The following TRIM9 variants were observed in gnomAD, a reference collection of about 807,000 sequenced individuals.
TRIM9 encodes E3 ubiquitin-protein ligase TRIM9.
TRIM9 carries 26 observed loss-of-function variants against 78.3 expected under a neutral mutation model. That is an observed-to-expected ratio of 0.33 (90% CI 0.24 to 0.46). The LOEUF (loss-of-function observed/expected upper bound fraction) is 0.46. TRIM9 is among the 20% of genes least tolerant of loss of function. TRIM9 has a pLI of 1.00. For missense variants in TRIM9, 787 were observed against 1,036.4 expected (o/e 0.76, Z 3.30); for synonymous variants, 398 against 416.5 (o/e 0.96, Z 0.54).
At position 51,094,504 on chromosome 14, in the gene TRIM9, G is replaced by C; in HGVS notation, c.436C>G (p.Pro146Ala). 1.9e-6 allele frequency: 3 copies of C among 1,613,684 alleles called. No homozygotes were observed. Among genetic ancestry groups the C allele is most frequent in the Non-Finnish European group, 8.5e-7 (1 of 1,179,946 alleles). Residue 146 changes from proline to alanine, a missense_variant, in exon 1 of 13, where the codon CCC becomes GCC. By Grantham distance (27) the Pro-to-Ala change is conservative (BLOSUM62 -1). Transcript: ENST00000684578. ...ILDDRGLRGF[P>A]KNRVLEGVID... ...ACCCCTTCCAGTACGCGATTCTTGG[G>C]GAAGCCGCGGAGCCCCCGGTCATCC...
chr14:51,033,011 G>A (rs2058860273), intron 1 of TRIM9, among the ~76,000 whole-genome samples: 1 of 152,154 alleles, frequency 6.6e-6, no homozygotes, highest in African/African-American at 2.4e-5. Flanking sequence ...ACCAGAATCT[G>A]CAACACTCAA....
intron 3 of TRIM9, among the ~76,000 whole-genome samples, chr14:51,022,095 A>G (rs572856679): frequency 6.6e-6 from 1 of 152,234 alleles, no homozygotes; most frequent in African/African-American, 2.4e-5. Context: ...AGCACTTTTT[A>G]CTAATATACT....
intron 1 of TRIM9, among the ~76,000 whole-genome samples, chr14:51,081,430 A>G (rs923692270): frequency 4.6e-5 from 7 of 152,232 alleles, no homozygotes; most frequent in Non-Finnish European, 7.3e-5. Flanking sequence ...TTTGGAAAAC[A>G]GCTGGACAGT....
At chr14:50,987,743 C>T (rs12434376) in intron 7 of TRIM9, among the ~76,000 whole-genome samples, 38,584 of 151,790 alleles carry the variant, frequency 0.25, 5,073 homozygotes, top group Non-Finnish European at 0.28. Context: ...TATTATGGAG[C>T]GAAGGCATTT....
chr14:51,049,490 T>C (rs969675827), intron 1 of TRIM9, among the ~76,000 whole-genome samples: 6 of 152,150 alleles, frequency 3.9e-5, no homozygotes, highest in African/African-American at 1.4e-4. Flanking sequence ...ATTTGTTTGT[T>C]CATTCCTTCA....
chr14:51,074,249 T>C (rs1034378231), intron 1 of TRIM9, among the ~76,000 whole-genome samples: 2 of 151,798 alleles, frequency 1.3e-5, no homozygotes, highest in Non-Finnish European at 2.9e-5. Flanking sequence ...CAAGACTCCG[T>C]CTCTACAAAA....
At chr14:51,094,054 G>C in intron 1 of TRIM9, 64 bp downstream of exon 1, 2 of 1,510,916 alleles carry the variant, frequency 1.3e-6, no homozygotes, top group Non-Finnish European at 9.0e-7. Context: ...GACGGGGACC[G>C]TCTGCTGCAA....
intron 1 of TRIM9, among the ~76,000 whole-genome samples, chr14:51,078,281 A>G (rs542488559): frequency 6.6e-6 from 1 of 152,364 alleles, no homozygotes; most frequent in African/African-American, 2.4e-5. Context: ...TAATATCTAA[A>G]GAAAACTATG....
At chr14:51,063,360 C>A (rs911557193) in intron 1 of TRIM9, among the ~76,000 whole-genome samples, 8 of 152,172 alleles carry the variant, frequency 5.3e-5, no homozygotes, top group Admixed American at 1.3e-4. Context: ...AATAACTAAT[C>A]AGCCTAATAT....
chr14:51,010,343 G>T, intron 4 of TRIM9, 41 bp downstream of exon 4: 1 of 1,490,972 alleles, frequency 6.7e-7, no homozygotes, highest in Non-Finnish European at 9.4e-7. Context: ...TATGTCCTAT[G>T]GGACATTTAG....
intron 1 of TRIM9, among the ~76,000 whole-genome samples, chr14:51,058,301 T>C (rs1305402015): frequency 1.3e-5 from 2 of 152,174 alleles, no homozygotes; most frequent in Admixed American, 6.6e-5. Context: ...GTTACTCAGG[T>C]GATGTGAGGC....
At chr14:51,017,456 A>G (rs1271590383) in intron 3 of TRIM9, among the ~76,000 whole-genome samples, 1 of 152,242 alleles carries the variant, frequency 6.6e-6, no homozygotes, top group Non-Finnish European at 1.5e-5. Flanking sequence ...CCTTACCAAT[A>G]AACATGGAGT....
At chr14:51,064,849 A>T (rs887608661) in intron 1 of TRIM9, among the ~76,000 whole-genome samples, 1 of 152,112 alleles carries the variant, frequency 6.6e-6, no homozygotes, top group African/African-American at 2.4e-5. Context: ...AAAATATTGA[A>T]ATCATTATAA....
intron 11 of TRIM9, among the ~76,000 whole-genome samples, chr14:50,981,358 G>C (rs943030502): frequency 6.6e-6 from 1 of 152,118 alleles, no homozygotes; most frequent in Non-Finnish European, 1.5e-5. Context: ...CCAATGTAAG[G>C]CATTTTCACA....
chr14:51,018,832 T>C (rs568523688), intron 3 of TRIM9, among the ~76,000 whole-genome samples: 1 of 152,004 alleles, frequency 6.6e-6, no homozygotes, highest in South Asian at 2.1e-4. Flanking sequence ...AACTGTAACA[T>C]TTTTTTTCTT....
intron 1 of TRIM9, among the ~76,000 whole-genome samples, chr14:51,077,292 C>T (rs1430977870): frequency 1.3e-5 from 2 of 151,580 alleles, no homozygotes; most frequent in African/African-American, 4.8e-5. Context: ...GTATAGGTGA[C>T]ACAGTGGCCA....
At chr14:51,080,352 T>C (rs1454534839) in intron 1 of TRIM9, among the ~76,000 whole-genome samples, 1 of 151,596 alleles carries the variant, frequency 6.6e-6, no homozygotes, top group Non-Finnish European at 1.5e-5. Context: ...ATGTGGAATA[T>C]AGAAAGAAAA....
At chr14:51,078,133 T>C (rs77407560) in intron 1 of TRIM9, among the ~76,000 whole-genome samples, 21,818 of 152,128 alleles carry the variant, frequency 0.14, 1,845 homozygotes, top group Admixed American at 0.26. Context: ...ACTCAGCCTA[T>C]GTCAGGCCTT....
rs2139619456 is a variant in TRIM9, at chr14:51,009,010, C to G, written c.1306+70G>C. 3 of 1,517,584 alleles carry G rather than the reference C, an allele frequency of 2.0e-6. No homozygotes were observed. In the East Asian group the frequency reaches 6.7e-5, roughly 34 times the overall value. 94.0% of individuals were successfully genotyped at this position (1,517,584 alleles called of 1,614,324 possible). On this transcript the variant is annotated intron_variant, in intron 5 of 12. Transcript: ENST00000684578. Reference sequence around the variant, plus strand: ...TCTTGTTACATTAGCCAAAGGGGTACTGATCCTGCTTCAAGCACCAGCATC... The same window carrying G: ...TCTTGTTACATTAGCCAAAGGGGTAGTGATCCTGCTTCAAGCACCAGCATC...
Sources: allele counts gnomAD v4.1 joint callset (sites outside exome capture counted in the v4.1 genomes callset), GRCh38; gene constraint gnomAD v4.1.1; transcripts MANE v1.5; gene names NCBI Gene and HGNC (gene_info 2026-07-23, HGNC 2026-07-21).